CEP57L1: variants seen among roughly 807,000 people sequenced by gnomAD.
CEP57L1 encodes the protein centrosomal protein 57 like 1.
Under a neutral mutation model 61.0 loss-of-function variants are expected in CEP57L1, and 37 were observed. The observed-to-expected ratio is 0.61, with a 90% CI of 0.47 to 0.80. CEP57L1 has a LOEUF of 0.80. Among genes scored for constraint, CEP57L1 ranks in the 30% least tolerant of loss-of-function variants. The pLI is 0.00. For synonymous variants in CEP57L1, 137 were observed against 162.3 expected, an observed-to-expected ratio of 0.84 and a Z score of 1.19; for missense variants, 422 against 524.7, an observed-to-expected ratio of 0.80 and a Z score of 1.91.
chr6:109,149,376 A>T (rs1036631645), intron 3 of CEP57L1, among the ~76,000 whole-genome samples: 2 of 152,186 alleles, frequency 1.3e-5, no homozygotes, highest in African/African-American at 4.8e-5. Context: ...TTAAATAGGG[A>T]ATCCTTTCCC....
intron 1 of CEP57L1, among the ~76,000 whole-genome samples, chr6:109,120,798 G>T (rs1353988164): frequency 6.6e-6 from 1 of 152,012 alleles, no homozygotes; most frequent in Non-Finnish European, 1.5e-5. Context: ...GTGTCACTAT[G>T]AAACCATTAT....
At chr6:109,126,537 C>G (rs1325105373) in intron 1 of CEP57L1, among the ~76,000 whole-genome samples, 1 of 151,992 alleles carries the variant, frequency 6.6e-6, no homozygotes, top group Non-Finnish European at 1.5e-5. Flanking sequence ...TATATTGTTC[C>G]TCATTTACTT....
intron 10 of CEP57L1, 64 bp from the exon 11 acceptor site, chr6:109,162,685 T>C: frequency 9.7e-7 from 1 of 1,033,626 alleles, no homozygotes; most frequent in African/African-American, 1.6e-5. Flanking sequence ...ATTCAACCTA[T>C]CTATTTTGGA....
At chr6:109,107,017 G>A (rs1771019443) in intron 1 of CEP57L1, among the ~76,000 whole-genome samples, 1 of 152,108 alleles carries the variant, frequency 6.6e-6, no homozygotes, top group South Asian at 2.1e-4. Flanking sequence ...ATATGTAATA[G>A]TATTTACAAA....
At chr6:109,095,171 C>G, upstream of CEP57L1, 1 of 985,548 alleles carries the variant, frequency 1.0e-6, no homozygotes, top group South Asian at 4.7e-5. Context: ...CCAAGCGCCC[C>G]CGGAGGCGCT....
intron 1 of CEP57L1, among the ~76,000 whole-genome samples, chr6:109,109,567 T>A (rs1201591742): frequency 1.3e-5 from 2 of 152,304 alleles, no homozygotes; most frequent in South Asian, 4.1e-4. Flanking sequence ...ATACTTTAAG[T>A]TCTGGGATAC....
chr6:109,095,672 C>T, intron 1 of CEP57L1, 97 bp downstream of exon 1: 1 of 765,116 alleles, frequency 1.3e-6, no homozygotes, highest in Non-Finnish European at 1.6e-6. Flanking sequence ...CTAGGGTGGC[C>T]TCCCTTAGTC....
At chr6:109,147,609 TA>T (rs1326957763) in intron 3 of CEP57L1, among the ~76,000 whole-genome samples, 1 of 152,054 alleles carries the variant, frequency 6.6e-6, no homozygotes, top group Non-Finnish European at 1.5e-5. Context: ...ATTTCTGAGG[TA>T]ATTGGACAAA....
chr6:109,160,815 G>A, intron 10 of CEP57L1, 99 bp downstream of exon 10: 1 of 1,164,412 alleles, frequency 8.6e-7, no homozygotes, highest in Non-Finnish European at 1.2e-6. Flanking sequence ...TCTGTATATG[G>A]GATTTAGTGA....
chr6:109,157,282 C>T (rs1388519022), intron 7 of CEP57L1: 1 of 152,128 alleles, frequency 6.6e-6, no homozygotes, highest in East Asian at 1.9e-4. Flanking sequence ...TTTCAAGAAG[C>T]CTCTATGAGA....
At chr6:109,135,012 C>T (rs564689036) in intron 1 of CEP57L1, among the ~76,000 whole-genome samples, 1 of 152,036 alleles carries the variant, frequency 6.6e-6, no homozygotes, top group Non-Finnish European at 1.5e-5. Context: ...AGATTCAATG[C>T]CATCCCCATC....
At chr6:109,153,342 A>G (rs963897653) in intron 4 of CEP57L1, among the ~76,000 whole-genome samples, 10 of 149,472 alleles carry the variant, frequency 6.7e-5, no homozygotes, top group African/African-American at 2.5e-4. Flanking sequence ...GCCAGGCTCA[A>G]GCAATCTTCT....
At chr6:109,141,204 A>AT (rs1263423877) in intron 1 of CEP57L1, among the ~76,000 whole-genome samples, 2 of 150,912 alleles carry the variant, frequency 1.3e-5, no homozygotes, top group Admixed American at 6.6e-5. Flanking sequence ...CCTTAAATGG[A>AT]TTTTTTCCCC....
chr6:109,159,476 T>A lies in CEP57L1; in HGVS notation c.1016+14T>A. On this transcript the variant is annotated intron_variant, in intron 9 of 10. Transcript: ENST00000517392. ...CCAAATGAGCATGTAAGTATTTATA[T>A]TCTTTTTTTTTTTCAAGAGACAGTG... is the stretch of plus-strand genomic sequence containing the variant. The A allele has an allele frequency of 6.2e-7, 1 of 1,605,664 alleles. No individual in the cohort carries two copies. Among genetic ancestry groups the A allele is most frequent in the Non-Finnish European group, 8.5e-7 (1 of 1,176,342 alleles).
chr6:109,168,690 G>C lies in CEP57L1; in HGVS notation c.*5720G>C, dbSNP rs1774251827. On this transcript the variant is annotated 3_prime_UTR_variant, in exon 11 of 11. Coordinates refer to ENST00000517392, the MANE Select transcript of CEP57L1 (RefSeq NM_001271852.3). The stretch of plus-strand genomic sequence containing the variant: ...GTCTCACTGCAACCTCCACCTCCCA[G>C]GTTCAAGCAATTCTCCTGCCTCAGC... 6.7e-6 allele frequency among the ~76,000 whole-genome samples: 1 copy of C among 148,880 alleles called. No individual in the cohort carries two copies. Among genetic ancestry groups the C allele is most frequent in the African/African-American group, 2.5e-5 (1 of 40,224 alleles).
intron 1 of CEP57L1, among the ~76,000 whole-genome samples, chr6:109,121,697 A>G (rs1047193245): frequency 1.3e-5 from 2 of 152,190 alleles, no homozygotes; most frequent in Non-Finnish European, 2.9e-5. Context: ...AAGCATTTAC[A>G]TAGACTCTAG....
At chr6:109,117,117 T>C (rs1772396036) in intron 1 of CEP57L1, among the ~76,000 whole-genome samples, 2 of 152,216 alleles carry the variant, frequency 1.3e-5, no homozygotes, top group Non-Finnish European at 2.9e-5. Flanking sequence ...GAACATGTAT[T>C]ACTTTTATAA....
At chr6:109,123,844 AG>A (rs1437633150) in intron 1 of CEP57L1, among the ~76,000 whole-genome samples, 2 of 152,046 alleles carry the variant, frequency 1.3e-5, no homozygotes, top group African/African-American at 4.8e-5. Flanking sequence ...CAAGGCGGGC[AG>A]ATCACCTGAT....
At chr6:109,116,171 TATGTTATG>T (rs1772279371) in intron 1 of CEP57L1, among the ~76,000 whole-genome samples, 1 of 151,672 alleles carries the variant, frequency 6.6e-6, no homozygotes. Flanking sequence ...TATGTTATGT[TATGTTATG>T]TTATGTTACT....
Sources: gnomAD v4.1 joint callset for allele counts (sites outside exome capture counted in the v4.1 genomes callset) on GRCh38, gnomAD v4.1.1 for gene constraint, MANE v1.5 for transcripts, NCBI Gene and HGNC (gene_info 2026-07-23, HGNC 2026-07-21) for gene names.